Variants in IKZF3 observed in about 807,000 individuals in gnomAD.
IKZF3 encodes IKAROS family zinc finger 3.
In IKZF3, 10 loss-of-function variants were observed where a neutral mutation model predicts 49.0. The ratio of observed to expected loss-of-function variants is 0.20; its 90% CI spans 0.13 to 0.35. IKZF3 has a LOEUF of 0.35. Ranked by LOEUF, IKZF3 falls within the 10% of genes least tolerant of loss-of-function variation. IKZF3 has a pLI of 1.00. For synonymous variants in IKZF3, 209 were observed against 228.2 expected (o/e 0.92, Z 0.76); for missense variants, 498 against 664.8 (o/e 0.75, Z 2.76).
intron 3 of IKZF3, among the ~76,000 whole-genome samples, chr17:39,819,894 C>G (rs918062983): frequency 2.0e-5 from 3 of 152,080 alleles, no homozygotes; most frequent in Admixed American, 2.0e-4. Context: ...GTCTCGAACT[C>G]CTGACCTCCA....
At chr17:39,803,229 A>G (rs1327840863) in intron 3 of IKZF3, among the ~76,000 whole-genome samples, 1 of 152,172 alleles carries the variant, frequency 6.6e-6, no homozygotes, top group Non-Finnish European at 1.5e-5. Context: ...AACTATAAAG[A>G]GTCTACAAGT....
chr17:39,807,083 C>T (rs917547865), intron 3 of IKZF3, among the ~76,000 whole-genome samples: 1 of 152,156 alleles, frequency 6.6e-6, no homozygotes, highest in African/African-American at 2.4e-5. Flanking sequence ...TTGTTAGCAG[C>T]CTTGGGAGAG....
intron 3 of IKZF3, among the ~76,000 whole-genome samples, chr17:39,793,706 T>G (rs1157004217): frequency 6.6e-6 from 1 of 152,182 alleles, no homozygotes; most frequent in African/African-American, 2.4e-5. Context: ...ACTCAAGGAT[T>G]GTGTAATAGG....
intron 1 of IKZF3, among the ~76,000 whole-genome samples, chr17:39,859,939 A>T (rs2063169876): frequency 6.6e-6 from 1 of 152,162 alleles, no homozygotes; most frequent in African/African-American, 2.4e-5. Context: ...TTATCATTGG[A>T]CATCTATCTA....
rs1391689462 is a variant in IKZF3, at chr17:39,777,785, A to G, written c.710-18T>C. On this transcript the variant is annotated intron_variant, in intron 6 of 7. Transcript: ENST00000346872. ...CGCACTTGCTAGTTTGGAAAAATGT[A>G]AAAAGAAGAGAGAAAAGAACACATT... The G allele has an allele frequency of 6.2e-6, 10 of 1,604,788 alleles. No homozygotes were observed. Among genetic ancestry groups the G allele is most frequent in the Non-Finnish European group, 8.5e-6 (10 of 1,176,122 alleles).
intron 6 of IKZF3, 24 bp from the exon 7 acceptor site, chr17:39,777,791 A>G (rs1307768535): frequency 6.2e-7 from 1 of 1,603,276 alleles, no homozygotes; most frequent in Non-Finnish European, 8.5e-7. Flanking sequence ...ATGTAAAAAG[A>G]AGAGAGAAAA....
chr17:39,769,225 G>T (rs2060374004), intron 7 of IKZF3, among the ~76,000 whole-genome samples: 1 of 152,202 alleles, frequency 6.6e-6, no homozygotes, highest in Non-Finnish European at 1.5e-5. Flanking sequence ...CGAACCAAGA[G>T]CCAAGGCTAC....
chr17:39,812,166 C>A (rs1247445960), intron 3 of IKZF3, among the ~76,000 whole-genome samples: 1 of 152,086 alleles, frequency 6.6e-6, no homozygotes, highest in Non-Finnish European at 1.5e-5. Flanking sequence ...ATAATATGAC[C>A]CCCATATTTT....
At chr17:39,838,379 T>C (rs2062364262) in intron 1 of IKZF3, among the ~76,000 whole-genome samples, 2 of 152,204 alleles carry the variant, frequency 1.3e-5, no homozygotes, top group Admixed American at 6.5e-5. Context: ...TACTCTTTCT[T>C]CTGTCATCTT....
intron 1 of IKZF3, among the ~76,000 whole-genome samples, chr17:39,837,232 G>A (rs938965111): frequency 3.3e-5 from 5 of 152,044 alleles, no homozygotes; most frequent in East Asian, 1.9e-4. Flanking sequence ...ACTGTGCCTG[G>A]CCTGGTGCTT....
chr17:39,807,439 C>G (rs1423507534), intron 3 of IKZF3, among the ~76,000 whole-genome samples: 1 of 150,478 alleles, frequency 6.6e-6, no homozygotes, highest in African/African-American at 2.4e-5. Flanking sequence ...CACTGTCACC[C>G]AGGCTGGAGT....
chr17:39,837,442 A>C (rs929447106), intron 1 of IKZF3, among the ~76,000 whole-genome samples: 1 of 149,640 alleles, frequency 6.7e-6, no homozygotes, highest in African/African-American at 2.5e-5. Context: ...TTTTTTCTTA[A>C]AACTTTTTTT....
chr17:39,828,885 C>T (rs1049560413), intron 3 of IKZF3, among the ~76,000 whole-genome samples: 1 of 151,886 alleles, frequency 6.6e-6, no homozygotes, highest in Non-Finnish European at 1.5e-5. Flanking sequence ...CCTGTAATCT[C>T]GGCTATTTGG....
chr17:39,838,056 T>G (rs1292818701), intron 1 of IKZF3, among the ~76,000 whole-genome samples: 2 of 152,232 alleles, frequency 1.3e-5, no homozygotes, highest in Non-Finnish European at 2.9e-5. Flanking sequence ...ACTTTTGGCT[T>G]TCAGCAGTTT....
intron 3 of IKZF3, among the ~76,000 whole-genome samples, chr17:39,802,899 T>C (rs186464295): frequency 1.8e-4 from 27 of 152,144 alleles, no homozygotes; most frequent in Admixed American, 1.6e-3. Context: ...CATTAGCATG[T>C]AAAAAGTTTC....
At chr17:39,795,731 A>G (rs1243974065) in intron 3 of IKZF3, among the ~76,000 whole-genome samples, 1 of 151,390 alleles carries the variant, frequency 6.6e-6, no homozygotes, top group African/African-American at 2.4e-5. Context: ...TCTAATATTC[A>G]ACTCTGTTAC....
intron 3 of IKZF3, among the ~76,000 whole-genome samples, chr17:39,822,952 C>A (rs540405837): frequency 1.3e-5 from 2 of 152,064 alleles, no homozygotes; most frequent in East Asian, 3.9e-4. Context: ...TGGGGTGCTG[C>A]TATAAAGATA....
intron 2 of IKZF3, 56 bp downstream of exon 2, chr17:39,832,042 C>A: frequency 7.7e-7 from 1 of 1,292,446 alleles, no homozygotes; most frequent in Non-Finnish European, 1.1e-6. Context: ...ATTCCTCTCT[C>A]TTTGGTATTT....
Position 39,779,232 on chromosome 17 carries a change from G to A in IKZF3, c.710-1465C>T, listed in dbSNP as rs553659718. The stretch of plus-strand genomic sequence containing the variant: ...TCCCAGCACTTTGCAAGGCCGAGGC[G>A]GGCAGATCACCTGAGGTCGGGAGTT... On this transcript the variant is annotated intron_variant, in intron 6 of 7. Coordinates refer to ENST00000346872, the MANE Select transcript of IKZF3 (RefSeq NM_012481.5). Among the ~76,000 whole-genome samples, 69 of 152,244 alleles carry A rather than the reference G, an allele frequency of 4.5e-4. 1 individual carries two copies. Among genetic ancestry groups the A allele is most frequent in the African/African-American group, 1.4e-3 (60 of 41,530 alleles).
Sources: gnomAD v4.1 joint callset for allele counts (sites outside exome capture counted in the v4.1 genomes callset) on GRCh38, gnomAD v4.1.1 for gene constraint, MANE v1.5 for transcripts, NCBI Gene and HGNC (gene_info 2026-07-23, HGNC 2026-07-21) for gene names.